Variants in HSD17B6 observed in about 807,000 individuals in gnomAD.
The protein encoded by HSD17B6 is hydroxysteroid 17-beta dehydrogenase 6.
HSD17B6 carries 16 observed loss-of-function variants against 26.4 expected under a neutral mutation model. The observed-to-expected ratio is 0.61, with a 90% CI of 0.41 to 0.92. HSD17B6 has a LOEUF of 0.92. Ranked by LOEUF, HSD17B6 falls within the 40% of genes least tolerant of loss-of-function variation. The probability of loss-of-function intolerance (pLI) is 0.00; values close to 1 mark genes in which losing one functional copy is unlikely to be tolerated. For missense variants in HSD17B6, 357 were observed against 386.1 expected, an observed-to-expected ratio of 0.92 and a Z score of 0.63; for synonymous variants, 139 against 153.0, an observed-to-expected ratio of 0.91 and a Z score of 0.68.
chr12:56,786,151 A>G (rs956976721), intron 4 of HSD17B6: 9 of 165,538 alleles, frequency 5.4e-5, no homozygotes, highest in African/African-American at 2.2e-4. Context: ...GAATATCTCA[A>G]TAATGTTAAA....
At chr12:56,776,397 T>C (rs890879759) in intron 2 of HSD17B6, among the ~76,000 whole-genome samples, 2 of 146,080 alleles carry the variant, frequency 1.4e-5, no homozygotes, top group Non-Finnish European at 3.0e-5. Flanking sequence ...CTCACTCTCC[T>C]TGGTTCAAGC....
chr12:56,764,792 A>G (rs1448803211), intron 1 of HSD17B6, among the ~76,000 whole-genome samples: 4 of 152,154 alleles, frequency 2.6e-5, no homozygotes, highest in Non-Finnish European at 5.9e-5. Flanking sequence ...AACCCAGGCC[A>G]TCTGGCCTCA....
intron 2 of HSD17B6, among the ~76,000 whole-genome samples, chr12:56,778,358 G>T (rs1294863357): frequency 6.6e-6 from 1 of 152,066 alleles, no homozygotes; most frequent in Non-Finnish European, 1.5e-5. Flanking sequence ...CGCGATCTCA[G>T]CTCACTGCAG....
intron 1 of HSD17B6, among the ~76,000 whole-genome samples, chr12:56,768,452 G>A (rs1954393348): frequency 6.6e-6 from 1 of 152,118 alleles, no homozygotes; most frequent in Non-Finnish European, 1.5e-5. Flanking sequence ...TGGTCTTAGG[G>A]AGGATGAAAG....
At chr12:56,784,056 C>T (rs1954813991) in intron 3 of HSD17B6, among the ~76,000 whole-genome samples, 3 of 150,354 alleles carry the variant, frequency 2.0e-5, no homozygotes, top group South Asian at 2.1e-4. Context: ...GGGGCAGAGG[C>T]GCTCCCCACA....
chr12:56,766,654 T>C (rs1954336455), intron 1 of HSD17B6, among the ~76,000 whole-genome samples: 1 of 152,206 alleles, frequency 6.6e-6, no homozygotes. Flanking sequence ...TCGGCAGAGC[T>C]GCGCTTTAGG....
chr12:56,775,222 G>A (rs1260457133), intron 2 of HSD17B6, among the ~76,000 whole-genome samples: 1 of 152,100 alleles, frequency 6.6e-6, no homozygotes, highest in African/African-American at 2.4e-5. Flanking sequence ...TCTCATATTG[G>A]AAGTAGAGTA....
In HSD17B6 at chr12:56,787,748, T is replaced by C. The variant is rs1045662396; in HGVS notation, c.*406T>C. On this transcript the variant is annotated 3_prime_UTR_variant, in exon 5 of 5. Transcript: ENST00000322165. ...TTTGTCCTTACTTGAAATGGGTCTG[T>C]ATTATGGTACTTTTAATAAATATTT... The C allele has an allele frequency of 6.4e-6, 1 of 155,060 alleles. No homozygotes were observed. Among genetic ancestry groups the C allele is most frequent in the Admixed American group, 6.5e-5 (1 of 15,498 alleles). 9.6% of individuals were successfully genotyped at this position (155,060 alleles called of 1,614,324 possible).
chr12:56,787,622 C>A lies in HSD17B6; in HGVS notation c.*280C>A. 2 of 362,824 alleles carry A rather than the reference C, an allele frequency of 5.5e-6. No individual in the cohort carries two copies. The highest frequency in any genetic ancestry group is 7.6e-5 in the South Asian group (2 of 26,344). The allele number at this position is 362,824 out of a possible 1,614,324, so 22.5% of individuals were successfully genotyped here. A position where few individuals can be genotyped will look rare whatever the true frequency, so the allele number is the denominator to read the frequency against. On this transcript the variant is annotated 3_prime_UTR_variant, in exon 5 of 5. Coordinates refer to ENST00000322165, the MANE Select transcript of HSD17B6 (RefSeq NM_003725.4). Reference sequence around the variant, plus strand: ...CTTATTAAACAGAGTAGATGGAAAACAATTTAACCTATTTTGAAGTCATTT... The same window carrying A: ...CTTATTAAACAGAGTAGATGGAAAAAAATTTAACCTATTTTGAAGTCATTT...
intron 3 of HSD17B6, among the ~76,000 whole-genome samples, chr12:56,783,394 G>A (rs1290802585): frequency 3.6e-5 from 5 of 138,024 alleles, no homozygotes; most frequent in South Asian, 2.3e-4. Context: ...CCCGGACGGG[G>A]CGGCTGGCCG....
intron 1 of HSD17B6, among the ~76,000 whole-genome samples, chr12:56,768,616 G>A (rs779988553): frequency 6.6e-6 from 1 of 152,080 alleles, no homozygotes; most frequent in Non-Finnish European, 1.5e-5. Context: ...GGGAAGCAAC[G>A]TGTATGCTCA....
intron 2 of HSD17B6, among the ~76,000 whole-genome samples, chr12:56,776,872 A>G (rs1270955941): frequency 6.6e-6 from 1 of 152,190 alleles, no homozygotes; most frequent in African/African-American, 2.4e-5. Flanking sequence ...TATGTACCAC[A>G]GTTTATCATT....
chr12:56,774,275 C>G, intron 2 of HSD17B6, 110 bp downstream of exon 2: 1 of 973,042 alleles, frequency 1.0e-6, no homozygotes, highest in East Asian at 2.7e-5. Context: ...CTTGTGGATA[C>G]TAAAATCCGA....
At chr12:56,786,707 T>C (rs1954882767) in intron 4 of HSD17B6, among the ~76,000 whole-genome samples, 1 of 152,208 alleles carries the variant, frequency 6.6e-6, no homozygotes, top group South Asian at 2.1e-4. Context: ...CAAAATTAGC[T>C]GGGCATGGGG....
chr12:56,766,398 G>A (rs1168745441), intron 1 of HSD17B6, among the ~76,000 whole-genome samples: 1 of 152,152 alleles, frequency 6.6e-6, no homozygotes, highest in Non-Finnish European at 1.5e-5. Context: ...CCAGGTCTTT[G>A]CTCTCACTAT....
chr12:56,773,717 T>A, intron 1 of HSD17B6, 117 bp from the exon 2 acceptor site: 2 of 978,832 alleles, frequency 2.0e-6, no homozygotes, highest in Non-Finnish European at 2.9e-6. Flanking sequence ...TAGGACTAAG[T>A]ATTAATCAAT....
intron 1 of HSD17B6, among the ~76,000 whole-genome samples, chr12:56,765,490 T>A (rs745707013): frequency 2.6e-5 from 4 of 151,940 alleles, no homozygotes; most frequent in Non-Finnish European, 5.9e-5. Context: ...TCCTTTTTTT[T>A]CTTATTATCT....
At chr12:56,765,579 C>A (rs535869737) in intron 1 of HSD17B6, among the ~76,000 whole-genome samples, 7 of 152,108 alleles carry the variant, frequency 4.6e-5, no homozygotes, top group South Asian at 4.2e-4. Context: ...CTCACTGCAA[C>A]CTCGACCTCC....
At chr12:56,784,774 T>G (rs897071624) in intron 3 of HSD17B6, 79 bp from the exon 4 acceptor site, 49 of 1,394,388 alleles carry the variant, frequency 3.5e-5, no homozygotes, top group Non-Finnish European at 4.7e-5. Context: ...TTTTATAATC[T>G]TTTTTGTTTT....
Sources: gnomAD v4.1 joint callset for allele counts (sites outside exome capture counted in the v4.1 genomes callset) on GRCh38, gnomAD v4.1.1 for gene constraint, MANE v1.5 for transcripts, NCBI Gene and HGNC (gene_info 2026-07-23, HGNC 2026-07-21) for gene names.